The following ZSCAN18 variants were observed in gnomAD, a reference collection of about 807,000 sequenced individuals.
ZSCAN18 encodes zinc finger and SCAN domain containing 18.
A neutral mutation model predicts 31.1 loss-of-function variants in ZSCAN18; 16 were observed. The ratio of observed to expected loss-of-function variants is 0.51; its 90% confidence interval spans 0.35 to 0.78. The LOEUF (loss-of-function observed/expected upper bound fraction) is 0.78. Ranked by LOEUF, ZSCAN18 falls within the 30% of genes least tolerant of loss-of-function variation. The pLI is 0.01. For missense variants in ZSCAN18, 731 were observed against 697.4 expected, an observed-to-expected ratio of 1.05 and a Z score of -0.54; for synonymous variants, 375 against 320.7, an observed-to-expected ratio of 1.17 and a Z score of -1.81.
intron 1 of ZSCAN18, among the ~76,000 whole-genome samples, chr19:58,115,793 G>A (rs369614230): frequency 6.6e-6 from 1 of 152,236 alleles, no homozygotes; most frequent in East Asian, 1.9e-4. Context: ...TCAAACTTTT[G>A]TTACAGTTAG....
At chr19:58,106,949 G>A (rs1467519515) in intron 1 of ZSCAN18, among the ~76,000 whole-genome samples, 1 of 151,558 alleles carries the variant, frequency 6.6e-6, no homozygotes, top group Admixed American at 6.6e-5. Context: ...ATTTTTAGTA[G>A]AGATGAGGTT....
At chr19:58,115,364 A>G (rs1332811991) in intron 1 of ZSCAN18, among the ~76,000 whole-genome samples, 4 of 152,250 alleles carry the variant, frequency 2.6e-5, no homozygotes, top group Admixed American at 2.0e-4. Context: ...TATATTAAAG[A>G]TATCACTGCA....
upstream of ZSCAN18, among the ~76,000 whole-genome samples, chr19:58,098,846 G>C (rs1368261622): frequency 2.0e-5 from 3 of 152,206 alleles, no homozygotes; most frequent in South Asian, 6.2e-4. Context: ...TGGAGACCCA[G>C]AGACACTGAT....
chr19:58,094,626 C>G (rs2074485196), intron 1 of ZSCAN18, among the ~76,000 whole-genome samples: 1 of 151,830 alleles, frequency 6.6e-6, no homozygotes, highest in Non-Finnish European at 1.5e-5. Context: ...ACCTGTAATC[C>G]CAGCACTTTG....
At chr19:58,109,143 T>C in intron 1 of ZSCAN18, 5 of 1,229,782 alleles carry the variant, frequency 4.1e-6, no homozygotes, top group Non-Finnish European at 5.1e-6. Flanking sequence ...CCTCTGGATT[T>C]CTATGGAGCA....
chr19:58,085,905 C>T (rs768454777), intron 6 of ZSCAN18: 45 of 423,506 alleles, frequency 1.1e-4, no homozygotes, highest in East Asian at 3.5e-4. Context: ...TGGGGCAGAA[C>T]GGCCACCCCC....
chr19:58,112,930 G>C (rs191901241), intron 1 of ZSCAN18, among the ~76,000 whole-genome samples: 1 of 96,064 alleles, frequency 1.0e-5, no homozygotes, highest in Non-Finnish European at 2.0e-5. Flanking sequence ...TAGCCTGGGC[G>C]ATAAAGCAAG....
chr19:58,114,217 A>G (rs2146030771), intron 1 of ZSCAN18, among the ~76,000 whole-genome samples: 1 of 152,296 alleles, frequency 6.6e-6, no homozygotes, highest in African/African-American at 2.4e-5. Flanking sequence ...GTGGTGAGCC[A>G]AGATCATGCC....
intron 1 of ZSCAN18, among the ~76,000 whole-genome samples, chr19:58,104,067 C>T (rs866973700): frequency 3.9e-5 from 6 of 152,106 alleles, no homozygotes; most frequent in African/African-American, 1.2e-4. Flanking sequence ...CTGTGAGAGG[C>T]GAGGAAGATG....
intron 1 of ZSCAN18, among the ~76,000 whole-genome samples, chr19:58,104,702 C>CAATAAAATAA (rs369292414): frequency 0.09 from 12,535 of 139,640 alleles, 795 homozygotes; most frequent in East Asian, 0.3. Flanking sequence ...GACTCCATCT[C>CAATAAAATAA]AATAAAATAA....
chr19:58,092,249 C>T (rs764085539), intron 1 of ZSCAN18, among the ~76,000 whole-genome samples: 15 of 151,994 alleles, frequency 9.9e-5, no homozygotes, highest in African/African-American at 1.4e-4. Flanking sequence ...ATGTAAATTA[C>T]ACTCAATAAG....
intron 1 of ZSCAN18, chr19:58,108,022 G>C (rs2074649853): frequency 9.8e-7 from 1 of 1,021,900 alleles, no homozygotes; most frequent in African/African-American, 1.7e-5. Flanking sequence ...CTTCTCACCA[G>C]TATGAATCCT....
intron 1 of ZSCAN18, among the ~76,000 whole-genome samples, chr19:58,107,375 G>A (rs1344988705): frequency 6.6e-6 from 1 of 150,558 alleles, no homozygotes; most frequent in Non-Finnish European, 1.5e-5. Context: ...TGACCAACAT[G>A]GTGAAACCCT....
At chr19:58,117,363 A>G (rs2074738672) in intron 1 of ZSCAN18, among the ~76,000 whole-genome samples, 1 of 152,098 alleles carries the variant, frequency 6.6e-6, no homozygotes, top group African/African-American at 2.4e-5. Context: ...AGCCCAGTAT[A>G]CAACCGCAGG....
chr19:58,098,798 A>C (rs1227319756), upstream of ZSCAN18, among the ~76,000 whole-genome samples: 1 of 152,246 alleles, frequency 6.6e-6, no homozygotes, highest in Non-Finnish European at 1.5e-5. Context: ...AGATACAGAG[A>C]CAGGGACCAG....
Position 58,084,799 on chromosome 19 carries a change from G to A in ZSCAN18, c.1419C>T (p.Gly473=). The A allele has an allele frequency of 1.3e-6, 2 of 1,578,448 alleles. No individual in the cohort carries two copies. The highest frequency in any genetic ancestry group is 1.7e-6 in the Non-Finnish European group (2 of 1,167,884). The change falls in exon 7 of 7, where the codon GGC becomes GGT. Residue 473 remains glycine, a synonymous_variant. Transcript: ENST00000601144. The surrounding 1 kb of genome is among the most constrained non-coding windows in gnomAD (Gnocchi z 4.5). ...HEKEKSYALG[G]ARGPQPSTRE... Reference sequence around the variant, plus strand: ...GGGTGGACGGTTGGGGGCCCCGGGCGCCCCCCAGCGCGTAGCTTTTCTCCT... The same window carrying A: ...GGGTGGACGGTTGGGGGCCCCGGGCACCCCCCAGCGCGTAGCTTTTCTCCT...
intron 1 of ZSCAN18, chr19:58,108,320 T>C (rs1049154960): frequency 1.0e-6 from 1 of 985,330 alleles, no homozygotes; most frequent in African/African-American, 1.7e-5. Flanking sequence ...CAGAAAAGGA[T>C]TTTTCACATT....
At chr19:58,101,844 A>T (rs2074597148), upstream of ZSCAN18, among the ~76,000 whole-genome samples, 1 of 151,034 alleles carries the variant, frequency 6.6e-6, no homozygotes, top group Non-Finnish European at 1.5e-5. Flanking sequence ...GTTTTTTGAG[A>T]CAGAATCTCA....
At chr19:58,114,017 C>A (rs893440698) in intron 1 of ZSCAN18, among the ~76,000 whole-genome samples, 1 of 151,612 alleles carries the variant, frequency 6.6e-6, no homozygotes, top group African/African-American at 2.4e-5. Flanking sequence ...CGCCTGTAAT[C>A]CCAACACTAA....
Sources: allele counts gnomAD v4.1 joint callset (sites outside exome capture counted in the v4.1 genomes callset), GRCh38; gene constraint gnomAD v4.1.1; non-coding constraint Gnocchi (gnomAD v3.1); transcripts MANE v1.5; gene names NCBI Gene and HGNC (gene_info 2026-07-23, HGNC 2026-07-21).